LTBP4: variants seen among roughly 807,000 people sequenced by gnomAD.
LTBP4 encodes latent-transforming growth factor beta-binding protein 4.
Under a neutral mutation model 180.2 loss-of-function variants are expected in LTBP4, and 93 were observed. That is an observed-to-expected ratio of 0.52 (90% CI 0.44 to 0.61). The LOEUF (loss-of-function observed/expected upper bound fraction) is 0.61, where lower values mean the gene tolerates loss of function less well. LTBP4 is among the 20% of genes least tolerant of loss of function. The pLI is 0.00. For synonymous variants in LTBP4, 947 were observed against 934.5 expected (o/e 1.01, Z -0.24); for missense variants, 2,116 against 2,256.5 (o/e 0.94, Z 1.26).
intron 26 of LTBP4, among the ~76,000 whole-genome samples, chr19:40,625,100 A>C (rs1233772928): frequency 4.0e-5 from 6 of 149,732 alleles, no homozygotes; most frequent in Non-Finnish European, 8.9e-5. Flanking sequence ...TTTTTGAGAC[A>C]AGATCTCGCT....
Position 40,627,461 on chromosome 19 carries a change from A to G in LTBP4, c.4366+106A>G, listed in dbSNP as rs1473069657. 2.9e-6 allele frequency: 4 copies of G among 1,377,438 alleles called. No individual in the cohort carries two copies. The Admixed American group carries it at 8.4e-5, about 29-fold the overall frequency. 85.3% of individuals were successfully genotyped at this position (1,377,438 alleles called of 1,614,324 possible). A position where few individuals can be genotyped will look rare whatever the true frequency, so the allele number is the denominator to read the frequency against. Reference sequence around the variant, plus strand: ...GGAGGAGAGACGGAACACAGGTGCAACTGGAGAGAGCCACAGAAAGGGACA... The same window carrying G: ...GGAGGAGAGACGGAACACAGGTGCAGCTGGAGAGAGCCACAGAAAGGGACA... On this transcript the variant is annotated intron_variant, in intron 28 of 29. Transcript: ENST00000396819.
At chr19:40,598,812 G>C (rs932961309), upstream of LTBP4, among the ~76,000 whole-genome samples, 2 of 152,208 alleles carry the variant, frequency 1.3e-5, no homozygotes, top group African/African-American at 2.4e-5. Flanking sequence ...GTCCCGGACC[G>C]GGATGTGCGG....
chr19:40,610,750 C>G, intron 12 of LTBP4, 93 bp downstream of exon 12: 2 of 1,470,198 alleles, frequency 1.4e-6, no homozygotes, highest in Non-Finnish European at 1.8e-6. Flanking sequence ...TAGGGCAAAG[C>G]GAGTTGATTT....
intron 1 of LTBP4, among the ~76,000 whole-genome samples, chr19:40,601,840 T>G (rs2081426393): frequency 6.6e-6 from 1 of 151,976 alleles, no homozygotes; most frequent in Non-Finnish European, 1.5e-5. Flanking sequence ...TTGCAAGCAA[T>G]GAGGGTTCTT....
intron 1 of LTBP4, among the ~76,000 whole-genome samples, chr19:40,603,095 C>T (rs1298074706): frequency 2.0e-5 from 3 of 152,194 alleles, no homozygotes; most frequent in Non-Finnish European, 2.9e-5. Flanking sequence ...TTAGAGACCA[C>T]TCCTCCAGTG....
intron 1 of LTBP4, among the ~76,000 whole-genome samples, chr19:40,595,035 C>T (rs551785819): frequency 6.6e-6 from 1 of 150,626 alleles, no homozygotes; most frequent in Non-Finnish European, 1.5e-5. Flanking sequence ...CTGGGATCCA[C>T]GAGGTGGGGG....
Position 40,622,593 on chromosome 19 carries a change from A to G in LTBP4, c.3410A>G (p.Gln1137Arg), listed in dbSNP as rs774129666. The G allele has an allele frequency of 1.5e-5, 25 of 1,613,526 alleles. No homozygotes were observed. The highest frequency in any genetic ancestry group is 1.9e-5 in the Non-Finnish European group (23 of 1,179,824). ...ATCCTGGCTCGGAATGTGACATGGC[A>G]GGAGTGCTGCTGTACTGTGGGTGAG... The part of the protein sequence containing the change: ...DNILARNVTW[Q>R]ECCCTVGEGW... The change falls in exon 23 of 30, where the codon CAG (glutamine) becomes CGG (arginine). Residue 1137 changes from glutamine (Q) to arginine (R), a missense_variant. Physicochemically the swap from Gln to Arg is conservative, Grantham distance 43. Coordinates refer to ENST00000396819, the MANE Select transcript of LTBP4 (RefSeq NM_001042545.2). The surrounding 1 kb of genome is among the most constrained non-coding windows in gnomAD (Gnocchi z 5.1).
rs1568406333 is a variant in LTBP4, at chr19:40,611,003, T to C, written c.1811-149T>C. On this transcript the variant is annotated intron_variant, in intron 12 of 29. Coordinates refer to ENST00000396819, the MANE Select transcript of LTBP4 (RefSeq NM_001042545.2). This position sits in a 1 kb window ranked among gnomAD's most constrained non-coding sequence, Gnocchi z 4.4. ...AACCAGCCAGGCAGCTTAGTAGGGA[T>C]TGGTGGAGGATGCAGAGTCAGATGA... 9.2e-7 allele frequency: 1 copy of C among 1,088,254 alleles called. No individual in the cohort carries two copies. The highest frequency in any genetic ancestry group is 1.3e-6 in the Non-Finnish European group (1 of 758,192). The allele number at this position is 1,088,254 out of a possible 1,614,324, so 67.4% of individuals were successfully genotyped here. A position where few individuals can be genotyped will look rare whatever the true frequency, so the allele number is the denominator to read the frequency against.
At position 40,614,295 on chromosome 19, in the gene LTBP4, C is replaced by T. The variant is rs749495875; in HGVS notation, c.2681-20C>T. On this transcript the variant is annotated intron_variant, in intron 18 of 29. Coordinates refer to ENST00000396819, the MANE Select transcript of LTBP4 (RefSeq NM_001042545.2). The stretch of plus-strand genomic sequence containing the variant: ...TGCCTCCCTGCTTCCCACATCCGAC[C>T]ACCCGACCTCTCTCCTCAGACGTGG... 10 of 1,591,158 alleles carry T rather than the reference C, an allele frequency of 6.3e-6. No individual in the cohort carries two copies. In the Admixed American group the frequency reaches 1.7e-4, roughly 27 times the overall value.
chr19:40,623,949 C>CGCCGAT lies in LTBP4; in HGVS notation c.3701_3706dup (p.Ala1234_Asp1235dup), dbSNP rs2081605642. ...TCCTCTCCCTAGACAATGACGAGTG[C>CGCCGAT]GCCGATGAGGAACCGGCCTGTGAGG... On this transcript the variant is annotated inframe_insertion, in exon 26 of 30. Coordinates refer to ENST00000396819, the MANE Select transcript of LTBP4 (RefSeq NM_001042545.2). 6.2e-7 allele frequency: 1 copy of CGCCGAT among 1,613,916 alleles called. No homozygotes were observed. The highest frequency in any genetic ancestry group is 8.5e-7 in the Non-Finnish European group (1 of 1,179,850).
chr19:40,627,162 C>T lies in LTBP4; in HGVS notation c.4173C>T (p.Pro1391=), dbSNP rs756214044. Residue 1391 remains proline, a synonymous_variant, in exon 28 of 30, where the codon CCC becomes CCT. Transcript: ENST00000396819. ...PYDPYPPPPG[P]FARREAPYGA... ...ACCCCTACCCACCGCCACCTGGGCC[C>T]TTCGCCCGCCGGGAGGCTCCTTATG... The T allele has an allele frequency of 7.4e-6, 12 of 1,611,514 alleles. No homozygotes were observed. The East Asian group carries it at 2.7e-4, about 36-fold the overall frequency.
intron 24 of LTBP4, 90 bp from the exon 25 acceptor site, chr19:40,623,514 C>A: frequency 1.4e-6 from 2 of 1,469,276 alleles, no homozygotes; most frequent in Non-Finnish European, 1.8e-6. Context: ...CTTGGTCTAT[C>A]ACCAGCTCTG....
intron 28 of LTBP4, 147 bp downstream of exon 28, chr19:40,627,502 C>A: frequency 1.5e-6 from 2 of 1,302,824 alleles, no homozygotes; most frequent in Non-Finnish European, 2.1e-6. Context: ...GTGTCTATAG[C>A]CCGGCAAAGA....
chr19:40,622,350 G>A lies in LTBP4; in HGVS notation c.3218-51G>A, dbSNP rs1244055255. 3 of 1,454,104 alleles carry A rather than the reference G, an allele frequency of 2.1e-6. No homozygotes were observed. The highest frequency in any genetic ancestry group is 2.5e-5 in the Admixed American group (1 of 39,646). 90.1% of individuals were successfully genotyped at this position (1,454,104 alleles called of 1,614,324 possible). On this transcript the variant is annotated intron_variant, in intron 22 of 29. Transcript: ENST00000396819. The surrounding 1 kb of genome is among the most constrained non-coding windows in gnomAD (Gnocchi z 5.1). ...CTCAGTTTCCCCATCTATGATAGTG[G>A]CGGGGCTGGGGATTCAGCCCACACT...
At chr19:40,593,994 G>A (rs1361880745) in intron 1 of LTBP4, among the ~76,000 whole-genome samples, 5 of 151,730 alleles carry the variant, frequency 3.3e-5, no homozygotes, top group African/African-American at 1.2e-4. Context: ...GGGTTTCACT[G>A]TGTTGGCCAG....
Position 40,629,522 on chromosome 19 carries a change from A to G in LTBP4, c.4646A>G (p.His1549Arg). 6.3e-7 allele frequency: 1 copy of G among 1,580,452 alleles called. No individual in the cohort carries two copies. ...TTCGCACCCACGCACCAGCCGCACCACTGTGCGCCCGCACGGCCCCGGGCC... is the reference window on the plus strand; with the variant it reads ...TTCGCACCCACGCACCAGCCGCACCGCTGTGCGCCCGCACGGCCCCGGGCC... ...PGFAPTHQPH[H>R]CAPARPRA Residue 1549 changes from histidine (H) to arginine (R), a missense_variant, in exon 30 of 30, where the codon CAC becomes CGC. By Grantham distance (29) the His-to-Arg change is conservative. Coordinates refer to ENST00000396819, the MANE Select transcript of LTBP4 (RefSeq NM_001042545.2). The surrounding 1 kb of genome is among the most constrained non-coding windows in gnomAD (Gnocchi z 4.5).
At position 40,605,563 on chromosome 19, in the gene LTBP4, A is replaced by G. The variant is rs531324502; in HGVS notation, c.601A>G (p.Thr201Ala). 2 of 1,605,916 alleles carry G rather than the reference A, an allele frequency of 1.2e-6. No homozygotes were observed. The highest frequency in any genetic ancestry group is 1.3e-5 in the African/African-American group (1 of 74,886). ...AARAEAAAPYTVLAQSAPRED... is the reference protein window; with the variant it reads ...AARAEAAAPYAVLAQSAPRED... ...GCGGGCGGAGGCGGCAGCGCCCTAC[A>G]CGGTGTTGGCACAGAGCGCGCCGCG... The change falls in exon 3 of 30, where the codon ACG becomes GCG. Residue 201 changes from threonine (T) to alanine (A), a missense_variant. By Grantham distance (58) the Thr-to-Ala change is moderately conservative. This residue lies in a region of LTBP4 where 469 missense variants were observed against 532.5 expected (regional missense o/e 0.88). Transcript: ENST00000396819. This position sits in a 1 kb window ranked among gnomAD's most constrained non-coding sequence, Gnocchi z 5.5.
intron 19 of LTBP4, chr19:40,615,195 G>C (rs948403033): frequency 3.2e-5 from 4 of 125,504 alleles, no homozygotes; most frequent in East Asian, 4.1e-4. Context: ...TGTGTCGGCG[G>C]GGGGGGGGGG....
intron 1 of LTBP4, among the ~76,000 whole-genome samples, chr19:40,603,080 A>G (rs2081435430): frequency 6.6e-6 from 1 of 152,168 alleles, no homozygotes; most frequent in Admixed American, 6.5e-5. Context: ...CCATGGCAAC[A>G]GACTTTAGAG....
Sources: gnomAD v4.1 joint callset for allele counts (sites outside exome capture counted in the v4.1 genomes callset) on GRCh38, gnomAD v4.1.1 for gene constraint, gnomAD v4.1.1 regional missense constraint, Gnocchi (gnomAD v3.1) non-coding constraint, MANE v1.5 for transcripts, NCBI Gene and HGNC (gene_info 2026-07-23, HGNC 2026-07-21) for gene names.